The following CYB5R4 variants were observed in gnomAD, a reference collection of about 807,000 sequenced individuals.
The protein encoded by CYB5R4 is N-terminal cytochrome b5 and cytochrome b5 oxidoreductase domain-containing protein.
In CYB5R4, 55 loss-of-function variants were observed where a neutral mutation model predicts 70.2. That is an observed-to-expected ratio of 0.78 (90% CI 0.63 to 0.98). CYB5R4 has a LOEUF of 0.98. CYB5R4 is among the 50% of genes least tolerant of loss of function. The probability of loss-of-function intolerance (pLI) is 0.00; values close to 1 mark genes in which losing one functional copy is unlikely to be tolerated. For synonymous variants in CYB5R4, 197 were observed against 199.5 expected, an observed-to-expected ratio of 0.99 and a Z score of 0.11; for missense variants, 562 against 612.6, an observed-to-expected ratio of 0.92 and a Z score of 0.87.
At chr6:83,896,993 T>A (rs532219040) in intron 3 of CYB5R4, among the ~76,000 whole-genome samples, 339 of 152,212 alleles carry the variant, frequency 2.2e-3, no homozygotes, top group Non-Finnish European at 4.3e-3. Context: ...GTGTGCCATT[T>A]TGGTGTGCTG....
chr6:83,864,066 T>G (rs2099456396), intron 1 of CYB5R4, 109 bp from the exon 2 acceptor site: 1 of 1,053,148 alleles, frequency 9.5e-7, no homozygotes, highest in Admixed American at 3.1e-5. Context: ...GACAGCCTCT[T>G]AAAACTGTAA....
At position 83,964,633 on chromosome 6, in the gene CYB5R4, T is replaced by G. The variant is rs2099473798; in HGVS notation, c.*4755T>G. On this transcript the variant is annotated 3_prime_UTR_variant, in exon 16 of 16. Transcript: ENST00000369681. ...AAAATCCTATTTTCTGAGGAGAAAT[T>G]CAAGCTGGCTGTAGATATTTGCATA... 6.6e-6 allele frequency: 1 copy of G among 152,176 alleles called. No individual in the cohort carries two copies. The highest frequency in any genetic ancestry group is 2.4e-5 in the African/African-American group (1 of 41,434). 9.4% of individuals were successfully genotyped at this position (152,176 alleles called of 1,614,324 possible). A position where few individuals can be genotyped will look rare whatever the true frequency, so the allele number is the denominator to read the frequency against.
chr6:83,940,602 G>A lies in CYB5R4; in HGVS notation c.1346+1G>A. 6.3e-7 allele frequency: 1 copy of A among 1,596,696 alleles called. No homozygotes were observed. Among genetic ancestry groups the A allele is most frequent in the Non-Finnish European group, 8.5e-7 (1 of 1,174,206 alleles). Reference sequence around the variant, plus strand: ...AGAAATTAGCATTTAAAGATAAAAGGTATTAAACTGATATTAGCTCTGCGT... The same window carrying A: ...AGAAATTAGCATTTAAAGATAAAAGATATTAAACTGATATTAGCTCTGCGT... On this transcript the variant is annotated splice_donor_variant, in intron 14 of 15. Transcript: ENST00000369681. LOFTEE classifies it high-confidence loss of function.
chr6:83,868,497 G>A (rs774301669), intron 2 of CYB5R4, among the ~76,000 whole-genome samples: 1 of 152,136 alleles, frequency 6.6e-6, no homozygotes, highest in Non-Finnish European at 1.5e-5. Context: ...TCTCTAAGAC[G>A]TGTATCAAGT....
At chr6:83,934,109 T>C (rs2099468553) in intron 10 of CYB5R4, among the ~76,000 whole-genome samples, 1 of 152,070 alleles carries the variant, frequency 6.6e-6, no homozygotes, top group Non-Finnish European at 1.5e-5. Context: ...TAAGAAAAGA[T>C]TTTAGAATGT....
chr6:83,899,835 A>G (rs1270980624), intron 3 of CYB5R4, among the ~76,000 whole-genome samples: 2 of 151,752 alleles, frequency 1.3e-5, no homozygotes, highest in Admixed American at 6.6e-5. Context: ...TTTTTATTGC[A>G]TCTATTTGAT....
intron 10 of CYB5R4, 52 bp from the exon 11 acceptor site, chr6:83,934,543 A>G: frequency 7.3e-7 from 1 of 1,377,728 alleles, no homozygotes; most frequent in East Asian, 2.3e-5. Context: ...GTGGTTTAGT[A>G]TTACTTCTTA....
In CYB5R4 at chr6:83,947,592, G is replaced by A. The variant is rs541523785; in HGVS notation, c.1346+6991G>A. On this transcript the variant is annotated intron_variant, in intron 14 of 15. Transcript: ENST00000369681. ...CTTCTGTATAGCAAAATAAATTATC[G>A]TCAGAGTGAACAGGCAACCTACAGA... 3.9e-5 allele frequency among the ~76,000 whole-genome samples: 6 copies of A among 152,104 alleles called. No individual in the cohort carries two copies. The South Asian group carries it at 1.0e-3, about 26-fold the overall frequency.
rs768101039 is a variant in CYB5R4 at position 83,936,300 on chromosome 6, C to T, written c.1032C>T (p.Asn344=). ...LSEFKEPVLP[N]NKYIYFLIKI... ...AGTTCAAGGAACCAGTTCTTCCCAA[C>T]AATAAATACATCTACTTTTTGATAA... Residue 344 remains asparagine, a synonymous_variant, in exon 12 of 16, where the codon AAC becomes AAT. Transcript: ENST00000369681. 29 of 1,612,122 alleles carry T rather than the reference C, an allele frequency of 1.8e-5. No individual in the cohort carries two copies. In the South Asian group the frequency reaches 2.9e-4, roughly 16 times the overall value.
intron 14 of CYB5R4, among the ~76,000 whole-genome samples, chr6:83,954,330 A>G (rs1234208187): frequency 6.6e-6 from 1 of 152,224 alleles, no homozygotes; most frequent in African/African-American, 2.4e-5. Context: ...AATTGCAGCC[A>G]GAGATTAAAA....
At chr6:83,953,098 G>A (rs991839212) in intron 14 of CYB5R4, among the ~76,000 whole-genome samples, 2 of 152,104 alleles carry the variant, frequency 1.3e-5, no homozygotes, top group African/African-American at 4.8e-5. Flanking sequence ...TCTTTGAAAT[G>A]TTAATGTGTT....
chr6:83,913,038 C>T (rs1447574142), intron 4 of CYB5R4, among the ~76,000 whole-genome samples: 1 of 152,096 alleles, frequency 6.6e-6, no homozygotes, highest in African/African-American at 2.4e-5. Context: ...CTGTGAACCT[C>T]TTAGGTAAAA....
Position 83,914,417 on chromosome 6 carries a change from C to T in CYB5R4, c.414C>T (p.Asp138=), listed in dbSNP as rs774186576. 1.0e-5 allele frequency: 16 copies of T among 1,531,702 alleles called. No homozygotes were observed. Among genetic ancestry groups the T allele is most frequent in the Non-Finnish European group, 1.4e-5 (16 of 1,125,858 alleles). 94.9% of individuals were successfully genotyped at this position (1,531,702 alleles called of 1,614,324 possible). A position where few individuals can be genotyped will look rare whatever the true frequency, so the allele number is the denominator to read the frequency against. The change falls in exon 5 of 16, where the codon GAC becomes GAT. Residue 138 remains aspartate (D), a splice_region_variant and synonymous_variant. Transcript: ENST00000369681. ...RMAIKPAVLK[D]YREEEKKVLN... ...TTTTTTTTCTAAATCACTATACAGA[C>T]TATCGTGAGGAGGAAAAGAAAGTCT... is the stretch of plus-strand genomic sequence containing the variant.
intron 2 of CYB5R4, among the ~76,000 whole-genome samples, chr6:83,892,557 G>C (rs781106895): frequency 8.5e-5 from 13 of 152,134 alleles, no homozygotes; most frequent in Non-Finnish European, 1.8e-4. Context: ...GAGATATTTT[G>C]TGTTTGTTGT....
intron 2 of CYB5R4, among the ~76,000 whole-genome samples, chr6:83,883,098 A>G (rs1331906435): frequency 2.0e-5 from 3 of 152,342 alleles, no homozygotes; most frequent in African/African-American, 7.2e-5. Context: ...AATTTGTTGA[A>G]TGAGCTTAAT....
intron 1 of CYB5R4, 63 bp from the exon 2 acceptor site, chr6:83,864,112 A>G: frequency 1.4e-6 from 2 of 1,406,146 alleles, no homozygotes; most frequent in South Asian, 1.5e-5. Flanking sequence ...GAGTTTTATT[A>G]TCTTTTAAAA....
intron 3 of CYB5R4, among the ~76,000 whole-genome samples, chr6:83,905,467 A>G (rs1286530654): frequency 6.6e-6 from 1 of 152,038 alleles, no homozygotes; most frequent in South Asian, 2.1e-4. Flanking sequence ...TGTAGTCTCT[A>G]TATGATTTCT....
chr6:83,924,212 C>A lies in CYB5R4; in HGVS notation c.692-258C>A, dbSNP rs61763833. On this transcript the variant is annotated intron_variant, in intron 9 of 15. Coordinates refer to ENST00000369681, the MANE Select transcript of CYB5R4 (RefSeq NM_016230.4). ...GGCTATATTTGAGCTTGTTTGAAAA[C>A]CAGCAACACATAGTAGTTTGGCCCT... is the stretch of plus-strand genomic sequence containing the variant. 4.4e-3 allele frequency among the ~76,000 whole-genome samples: 613 copies of A among 138,734 alleles called. 6 individuals are homozygous for A. The highest frequency in any genetic ancestry group is 0.016 in the African/African-American group (585 of 36,068). The allele number at this position is 138,734 out of a possible 152,430, so 91.0% of individuals were successfully genotyped here. A position where few individuals can be genotyped will look rare whatever the true frequency, so the allele number is the denominator to read the frequency against.
Position 83,961,793 on chromosome 6 carries a change from T to A in CYB5R4, c.*1915T>A, listed in dbSNP as rs2099473390. ...CATCTTTTCTAAGCCTCTTCTTTTTTCTCTCTCCTTTCCCAAGCAACAGAA... is the reference window on the plus strand; with the variant it reads ...CATCTTTTCTAAGCCTCTTCTTTTTACTCTCTCCTTTCCCAAGCAACAGAA... On this transcript the variant is annotated 3_prime_UTR_variant, in exon 16 of 16. Transcript: ENST00000369681. The A allele has an allele frequency of 6.6e-6, 1 of 152,038 alleles. No homozygotes were observed. 9.4% of individuals were successfully genotyped at this position (152,038 alleles called of 1,614,324 possible). A position where few individuals can be genotyped will look rare whatever the true frequency, so the allele number is the denominator to read the frequency against.
Sources: gnomAD v4.1 joint callset for allele counts (sites outside exome capture counted in the v4.1 genomes callset) on GRCh38, gnomAD v4.1.1 for gene constraint, MANE v1.5 for transcripts, NCBI Gene and HGNC (gene_info 2026-07-23, HGNC 2026-07-21) for gene names.